TRPV3: variants seen among roughly 807,000 people sequenced by gnomAD.
The protein encoded by TRPV3 is transient receptor potential cation channel subfamily V member 3.
A neutral mutation model predicts 87.1 loss-of-function variants in TRPV3; 88 were observed. That is an observed-to-expected ratio of 1.01 (90% CI 0.85 to 1.21). The LOEUF is 1.21. Ranked by LOEUF, TRPV3 falls within the 50% of genes most tolerant of loss-of-function variation. TRPV3 has a pLI of 0.00. For missense variants in TRPV3, 1,054 were observed against 1,030.1 expected, an observed-to-expected ratio of 1.02 and a Z score of -0.32; for synonymous variants, 438 against 423.3, an observed-to-expected ratio of 1.03 and a Z score of -0.43.
At chr17:3,525,849 A>G (rs2074295349) in intron 12 of TRPV3, among the ~76,000 whole-genome samples, 1 of 152,134 alleles carries the variant, frequency 6.6e-6, no homozygotes, top group South Asian at 2.1e-4. Flanking sequence ...TCCTGACCTC[A>G]GATGATAGGC....
At chr17:3,514,740 G>A (rs541262201) in intron 16 of TRPV3, 68 bp from the exon 17 acceptor site, 30 of 1,250,544 alleles carry the variant, frequency 2.4e-5, no homozygotes, top group South Asian at 1.2e-4. Context: ...ATAGCCCTGC[G>A]TTTGGGACGT....
chr17:3,526,999 T>C, intron 11 of TRPV3, 72 bp from the exon 12 acceptor site: 1 of 1,262,740 alleles, frequency 7.9e-7, no homozygotes, highest in Non-Finnish European at 1.1e-6. Flanking sequence ...CAGAGGGTGC[T>C]TCCCCAGGAC....
chr17:3,519,460 A>AGATGGTTGGATGGATAGATGATTG (rs2074216674), intron 14 of TRPV3, among the ~76,000 whole-genome samples: 1 of 40,018 alleles, frequency 2.5e-5, no homozygotes, highest in Non-Finnish European at 4.7e-5. Flanking sequence ...ATAGATGATT[A>AGATGGTTGGATGGATAGATGATTG]GATGGATGGA....
chr17:3,533,450 C>T (rs2150792742), intron 7 of TRPV3, among the ~76,000 whole-genome samples: 1 of 152,178 alleles, frequency 6.6e-6, no homozygotes, highest in East Asian at 1.9e-4. Context: ...AATTAAAATC[C>T]ACCCTCCTCT....
intron 11 of TRPV3, 146 bp from the exon 12 acceptor site, chr17:3,527,073 G>C (rs1380683577): frequency 7.5e-6 from 5 of 662,876 alleles, no homozygotes; most frequent in Non-Finnish European, 1.1e-5. Context: ...GATCTGAAAG[G>C]GGACCTGTGC....
intron 7 of TRPV3, among the ~76,000 whole-genome samples, chr17:3,534,474 AG>A (rs1341892317): frequency 6.6e-6 from 1 of 152,122 alleles, no homozygotes; most frequent in Non-Finnish European, 1.5e-5. Flanking sequence ...GGGTGGCAGG[AG>A]GGGTCTCCTC....
chr17:3,519,974 TTGGATGGA>T (rs56355146), intron 14 of TRPV3, among the ~76,000 whole-genome samples: 9,787 of 116,966 alleles, frequency 0.084, 990 homozygotes, highest in African/African-American at 0.27. Flanking sequence ...GGATGAATGA[TTGGATGGA>T]TGGATGGATG....
chr17:3,541,092 G>A (rs151091899), intron 6 of TRPV3, among the ~76,000 whole-genome samples: 21 of 152,338 alleles, frequency 1.4e-4, no homozygotes, highest in African/African-American at 3.8e-4. Flanking sequence ...GTGGCAGGGC[G>A]TGGTGGCTCA....
Position 3,514,751 on chromosome 17 carries a change from C to A in TRPV3, c.2199-79G>T, listed in dbSNP as rs912644883. 46 of 1,129,564 alleles carry A rather than the reference C, an allele frequency of 4.1e-5. No individual in the cohort carries two copies. The Admixed American group carries it at 8.1e-4, about 20-fold the overall frequency. The allele number at this position is 1,129,564 out of a possible 1,614,324, so 70.0% of individuals were successfully genotyped here. A position where few individuals can be genotyped will look rare whatever the true frequency, so the allele number is the denominator to read the frequency against. ...ACAAATAGCCCTGCGTTTGGGACGT[C>A]CTGGTGTCTACACAGCTCCCCTTCT... On this transcript the variant is annotated intron_variant, in intron 16 of 17. Coordinates refer to ENST00000576742, the MANE Select transcript of TRPV3 (RefSeq NM_145068.4).
intron 2 of TRPV3, among the ~76,000 whole-genome samples, chr17:3,547,040 C>T (rs1053279348): frequency 5.9e-5 from 9 of 151,860 alleles, no homozygotes; most frequent in Non-Finnish European, 1.0e-4. Flanking sequence ...GTCTCTACTG[C>T]GGGTGGCCTA....
intron 8 of TRPV3, among the ~76,000 whole-genome samples, chr17:3,531,924 G>A (rs892501217): frequency 9.2e-5 from 14 of 152,276 alleles, no homozygotes; most frequent in East Asian, 1.9e-4. Context: ...GCACAGCTGC[G>A]ATTACTCAAC....
chr17:3,523,134 G>C (rs892764589), intron 13 of TRPV3, among the ~76,000 whole-genome samples: 30 of 152,120 alleles, frequency 2.0e-4, no homozygotes, highest in Non-Finnish European at 3.1e-4. Flanking sequence ...GACAGTGATG[G>C]AGAAACTATT....
At chr17:3,554,912 T>C (rs921460024) in intron 1 of TRPV3, 60 bp from the exon 2 acceptor site, 2 of 1,236,806 alleles carry the variant, frequency 1.6e-6, no homozygotes, top group South Asian at 1.4e-5. Context: ...CTTCAGGGAG[T>C]TTAGGGGCCC....
Position 3,512,000 on chromosome 17 carries a change from T to C in TRPV3, c.*1917A>G, listed in dbSNP as rs1295653953. 1 of 152,194 alleles carries C rather than the reference T, an allele frequency of 6.6e-6. No individual in the cohort carries two copies. The highest frequency in any genetic ancestry group is 1.5e-5 in the Non-Finnish European group (1 of 68,036). 9.4% of individuals were successfully genotyped at this position (152,194 alleles called of 1,614,324 possible). On this transcript the variant is annotated 3_prime_UTR_variant, in exon 18 of 18. Coordinates refer to ENST00000576742, the MANE Select transcript of TRPV3 (RefSeq NM_145068.4). Reference sequence around the variant, plus strand: ...CTAACTCCAGATGTGGAATGCTGATTTGTACAATCTCCAGGCTAAAAGGGA... The same window carrying C: ...CTAACTCCAGATGTGGAATGCTGATCTGTACAATCTCCAGGCTAAAAGGGA...
intron 2 of TRPV3, chr17:3,546,604 T>G (rs1295640263): frequency 4.4e-6 from 2 of 455,228 alleles, no homozygotes; most frequent in Non-Finnish European, 8.8e-6. Flanking sequence ...AAGGCCCCCC[T>G]TGGAGACATG....
chr17:3,547,574 T>G (rs1203489914), intron 2 of TRPV3, among the ~76,000 whole-genome samples: 6 of 151,986 alleles, frequency 3.9e-5, no homozygotes, highest in Non-Finnish European at 8.8e-5. Context: ...TGAGCCAAGA[T>G]CGCACCATTG....
chr17:3,546,079 G>C (rs1467738966), intron 2 of TRPV3, among the ~76,000 whole-genome samples: 1 of 151,982 alleles, frequency 6.6e-6, no homozygotes, highest in East Asian at 1.9e-4. Context: ...CGTGTTGCAC[G>C]TGAAAAGGGG....
At chr17:3,517,943 C>T (rs949101827) in intron 15 of TRPV3, among the ~76,000 whole-genome samples, 1 of 151,790 alleles carries the variant, frequency 6.6e-6, no homozygotes, top group Non-Finnish European at 1.5e-5. Context: ...CTCAGCCTCC[C>T]AAGTAGCTGG....
intron 16 of TRPV3, 57 bp downstream of exon 16, chr17:3,516,400 T>G (rs2074183678): frequency 7.3e-7 from 1 of 1,362,994 alleles, no homozygotes; most frequent in African/African-American, 1.4e-5. Context: ...GTCACCATCC[T>G]GCCCCTCTCT....
Sources: allele counts gnomAD v4.1 joint callset (sites outside exome capture counted in the v4.1 genomes callset), GRCh38; gene constraint gnomAD v4.1.1; transcripts MANE v1.5; gene names NCBI Gene and HGNC (gene_info 2026-07-23, HGNC 2026-07-21).